The following ADAD1 variants were observed in gnomAD, a reference collection of about 807,000 sequenced individuals.
ADAD1 encodes the protein adenosine deaminase domain-containing protein 1.
ADAD1 carries 46 observed loss-of-function variants against 66.8 expected under a neutral mutation model. The ratio of observed to expected loss-of-function variants is 0.69; its 90% CI spans 0.54 to 0.88. ADAD1 has a LOEUF of 0.88. ADAD1 is among the 40% of genes least tolerant of loss of function. The probability of loss-of-function intolerance (pLI) is 0.00; values close to 1 mark genes in which losing one functional copy is unlikely to be tolerated. For missense variants in ADAD1, 617 were observed against 681.8 expected, an observed-to-expected ratio of 0.91 and a Z score of 1.06; for synonymous variants, 248 against 229.4, an observed-to-expected ratio of 1.08 and a Z score of -0.73.
At position 122,422,121 on chromosome 4, in the gene ADAD1, C is replaced by CT. The variant is rs10713074; in HGVS notation, c.1617+752dup. Among the ~76,000 whole-genome samples the CT allele has an allele frequency of 3.7e-3, 426 of 113,830 alleles. 3 individuals carry two copies. Among genetic ancestry groups the CT allele is most frequent in the African/African-American group, 6.3e-3 (166 of 26,216 alleles). 74.7% of individuals were successfully genotyped at this position (113,830 alleles called of 152,430 possible). ...TTCTATGTGATATGACATGAACATC[C>CT]TTTTTTTTTTTTTTTTTTTTTGAGA... On this transcript the variant is annotated intron_variant, in intron 12 of 12. Coordinates refer to ENST00000296513, the MANE Select transcript of ADAD1 (RefSeq NM_139243.4).
intron 7 of ADAD1, among the ~76,000 whole-genome samples, chr4:122,404,956 C>T (rs548883884): frequency 4.6e-5 from 7 of 152,114 alleles, no homozygotes; most frequent in African/African-American, 1.7e-4. Context: ...TTCTTTTTTC[C>T]GGCAATAACA....
In ADAD1 at chr4:122,381,175, C is replaced by T. The variant is rs1794881773; in HGVS notation, c.356C>T (p.Thr119Ile). The T allele has an allele frequency of 1.3e-6, 2 of 1,550,270 alleles. No homozygotes were observed. The highest frequency in any genetic ancestry group is 4.9e-5 in the Admixed American group (2 of 40,894). ...CAGCTTGACCTTAAGGAAACTGTGA[C>T]AACAGGCAAGTGTAAAATTGTATTT... ...RVQLDLKETVTTGNVMGPYFA... is the reference protein window; with the variant it reads ...RVQLDLKETVITGNVMGPYFA... Residue 119 changes from threonine (T) to isoleucine (I), a missense_variant, in exon 4 of 13, where the codon ACA (threonine) becomes ATA (isoleucine). Transcript: ENST00000296513.
chr4:122,423,276 G>A (rs530435294), intron 12 of ADAD1, among the ~76,000 whole-genome samples: 1 of 152,292 alleles, frequency 6.6e-6, no homozygotes, highest in South Asian at 2.1e-4. Flanking sequence ...AACTTTGCTG[G>A]CCCAAGGTTG....
chr4:122,390,544 T>C (rs1007794204), intron 5 of ADAD1, among the ~76,000 whole-genome samples: 4 of 152,092 alleles, frequency 2.6e-5, no homozygotes, highest in Admixed American at 2.6e-4. Context: ...TTAGAGTCTT[T>C]GTTCATTCAT....
At chr4:122,401,745 A>T (rs1420504745) in intron 7 of ADAD1, among the ~76,000 whole-genome samples, 3 of 152,012 alleles carry the variant, frequency 2.0e-5, no homozygotes, top group African/African-American at 4.8e-5. Flanking sequence ...TCATTATATG[A>T]TGTCCCTCTG....
chr4:122,417,458 C>T (rs761076188), intron 11 of ADAD1, among the ~76,000 whole-genome samples: 1 of 151,062 alleles, frequency 6.6e-6, no homozygotes, highest in Non-Finnish European at 1.5e-5. Flanking sequence ...ATAATTTATA[C>T]GGAAGACAGA....
chr4:122,414,280 G>GT (rs1452993185), intron 10 of ADAD1, among the ~76,000 whole-genome samples: 1 of 127,206 alleles, frequency 7.9e-6, no homozygotes. Flanking sequence ...TTTTTTGGGG[G>GT]GGGGGGTACA....
intron 7 of ADAD1, among the ~76,000 whole-genome samples, chr4:122,396,901 G>A (rs62321706): frequency 1.6e-4 from 24 of 152,294 alleles, no homozygotes; most frequent in Non-Finnish European, 3.4e-4. Flanking sequence ...TAAGTAGGCA[G>A]AGTAGATAAA....
chr4:122,398,649 A>C (rs1195650231), intron 7 of ADAD1, among the ~76,000 whole-genome samples: 1 of 151,916 alleles, frequency 6.6e-6, no homozygotes, highest in Non-Finnish European at 1.5e-5. Flanking sequence ...TTATTATTTT[A>C]ATTTTTAAAT....
Position 122,411,321 on chromosome 4 carries a change from T to C in ADAD1, c.948T>C (p.Leu316=). 3 of 1,613,344 alleles carry C rather than the reference T, an allele frequency of 1.9e-6. No individual in the cohort carries two copies. Among genetic ancestry groups the C allele is most frequent in the Non-Finnish European group, 2.5e-6 (3 of 1,179,690 alleles). ...CTEPTSNLLT[L]KQNINICLYM... Reference sequence around the variant, plus strand: ...AACCAACTTCTAATCTACTCACTCTTAAACAGAATATCAACATTTGCCTTT... The same window carrying C: ...AACCAACTTCTAATCTACTCACTCTCAAACAGAATATCAACATTTGCCTTT... The change falls in exon 9 of 13, where the codon CTT becomes CTC. Residue 316 remains leucine (L), a synonymous_variant. Transcript: ENST00000296513.
intron 12 of ADAD1, among the ~76,000 whole-genome samples, chr4:122,425,815 C>T (rs1380748864): frequency 2.0e-5 from 3 of 151,610 alleles, no homozygotes; most frequent in Non-Finnish European, 4.4e-5. Flanking sequence ...AGGGGGTCCT[C>T]GAACCAATTC....
chr4:122,403,668 A>G (rs1184538677), intron 7 of ADAD1, among the ~76,000 whole-genome samples: 1 of 151,924 alleles, frequency 6.6e-6, no homozygotes, highest in Non-Finnish European at 1.5e-5. Flanking sequence ...GTCGTAGGAG[A>G]ATGGGGGGAT....
chr4:122,385,365 C>T (rs867556066), intron 5 of ADAD1, among the ~76,000 whole-genome samples: 25 of 152,198 alleles, frequency 1.6e-4, no homozygotes, highest in Non-Finnish European at 2.1e-4. Flanking sequence ...CTCCCCCTCC[C>T]GGGTTCAAGT....
intron 12 of ADAD1, among the ~76,000 whole-genome samples, chr4:122,425,152 C>T (rs1797173536): frequency 6.6e-6 from 1 of 151,986 alleles, no homozygotes; most frequent in Admixed American, 6.6e-5. Context: ...AACAACTCCA[C>T]AGAAAATCAG....
chr4:122,427,181 T>C (rs749614607), intron 12 of ADAD1, among the ~76,000 whole-genome samples: 4 of 152,210 alleles, frequency 2.6e-5, no homozygotes, highest in Non-Finnish European at 5.9e-5. Context: ...GTTTATATAC[T>C]AGGAATGAAT....
Position 122,421,386 on chromosome 4 carries a change from C to A in ADAD1, c.1613C>A (p.Ala538Asp). 6.3e-7 allele frequency: 1 copy of A among 1,586,434 alleles called. No individual in the cohort carries two copies. Among genetic ancestry groups the A allele is most frequent in the South Asian group, 1.1e-5 (1 of 87,048 alleles). The stretch of plus-strand genomic sequence containing the variant: ...CTTGAAGCTGGTACATATCATGCAG[C>A]TAAGGTAAGTCCTTAAAGGAATAAA... ...ELLEAGTYHA[A>D]KCMSASYQEA... The change falls in exon 12 of 13, where the codon GCT (alanine) becomes GAT (aspartate). Residue 538 changes from alanine to aspartate, a missense_variant. Physicochemically the swap from Ala to Asp is moderately radical, Grantham distance 126. Coordinates refer to ENST00000296513, the MANE Select transcript of ADAD1 (RefSeq NM_139243.4).
At chr4:122,412,188 T>G (rs1354261275) in intron 9 of ADAD1, among the ~76,000 whole-genome samples, 1 of 152,152 alleles carries the variant, frequency 6.6e-6, no homozygotes, top group African/African-American at 2.4e-5. Flanking sequence ...ATTTTGCATT[T>G]TTATTGAAGA....
chr4:122,395,581 T>A (rs1186216546), intron 6 of ADAD1, among the ~76,000 whole-genome samples: 1 of 151,404 alleles, frequency 6.6e-6, no homozygotes, highest in Non-Finnish European at 1.5e-5. Context: ...CTTGGGAGGC[T>A]GAGACAGAAG....
chr4:122,412,374 C>T (rs1169520359), intron 9 of ADAD1, among the ~76,000 whole-genome samples: 1 of 152,002 alleles, frequency 6.6e-6, no homozygotes, highest in Non-Finnish European at 1.5e-5. Flanking sequence ...GTTGGAAGCT[C>T]TAGATGTGGT....
Sources: gnomAD v4.1 joint callset for allele counts (sites outside exome capture counted in the v4.1 genomes callset) on GRCh38, gnomAD v4.1.1 for gene constraint, MANE v1.5 for transcripts, NCBI Gene and HGNC (gene_info 2026-07-23, HGNC 2026-07-21) for gene names.